Variants in NBPF11 observed in about 807,000 individuals in gnomAD.
NBPF11 encodes the protein NBPF member 11.
NBPF11 carries 72 observed loss-of-function variants against 93.9 expected under a neutral mutation model. The observed-to-expected ratio is 0.77, with a 90% CI of 0.63 to 0.93. The LOEUF (loss-of-function observed/expected upper bound fraction) is 0.93, where lower values mean the gene tolerates loss of function less well. NBPF11 is among the 40% of genes least tolerant of loss of function. The pLI is 0.00. For missense variants in NBPF11, 705 were observed against 802.2 expected, an observed-to-expected ratio of 0.88 and a Z score of 1.46; for synonymous variants, 224 against 304.9, an observed-to-expected ratio of 0.73 and a Z score of 2.76.
chr1:148,127,935 G>A (rs1426136160), intron 4 of NBPF11, among the ~76,000 whole-genome samples: 25 of 151,868 alleles, frequency 1.6e-4, no homozygotes, highest in African/African-American at 4.9e-5. Context: ...GATTACAGGC[G>A]TGAGCCACCG....
At chr1:148,112,404 T>C (rs1365716613) in intron 15 of NBPF11, among the ~76,000 whole-genome samples, 134 of 126,184 alleles carry the variant, frequency 1.1e-3, no homozygotes, top group East Asian at 5.1e-3. Context: ...ACATGCGGTA[T>C]TTGGTTTTTT....
At chr1:148,126,667 T>C (rs1173229803) in intron 5 of NBPF11, among the ~76,000 whole-genome samples, 162 bp downstream of exon 5, 2 of 151,314 alleles carry the variant, frequency 1.3e-5, no homozygotes, top group Non-Finnish European at 3.0e-5. Flanking sequence ...CATGGAAAGT[T>C]GCTAAATACT....
In NBPF11 at chr1:148,137,966, C is replaced by T. The variant is rs28438885; in HGVS notation, c.-276-157G>A. On this transcript the variant is annotated intron_variant, in intron 2 of 23. Coordinates refer to ENST00000682118, the MANE Select transcript of NBPF11 (RefSeq NM_001385469.3). ...GCCCAGGGGACTGGCGTTCAGCATA[C>T]GGAGGACCCATGCCTGCACTGGCCT... Among the ~76,000 whole-genome samples, 129 of 148,972 alleles carry T rather than the reference C, an allele frequency of 8.7e-4. 9 individuals are homozygous for T. The highest frequency in any genetic ancestry group is 3.5e-3 in the Middle Eastern group (1 of 288).
At chr1:148,111,494 T>G (rs1377967628) in intron 15 of NBPF11, among the ~76,000 whole-genome samples, 2 of 151,842 alleles carry the variant, frequency 1.3e-5, no homozygotes, top group Non-Finnish European at 2.9e-5. Context: ...GCAAGGAAGC[T>G]AAAAACCTTA....
At chr1:148,122,644 C>T in intron 8 of NBPF11, 85 bp downstream of exon 8, 1 of 1,575,110 alleles carries the variant, frequency 6.3e-7, no homozygotes, top group Non-Finnish European at 8.7e-7. Flanking sequence ...GGCTTTTGGC[C>T]CATCATAGAT....
intron 1 of NBPF11, chr1:148,146,375 C>CG: frequency 6.4e-7 from 1 of 1,556,548 alleles, no homozygotes; most frequent in Non-Finnish European, 8.6e-7. Flanking sequence ...GGTGGAGGCC[C>CG]GGCCCGGGCG....
rs1668099743 is a variant in NBPF11, at chr1:148,122,494, T to C, written c.567-228A>G. On this transcript the variant is annotated intron_variant, in intron 8 of 23. Transcript: ENST00000682118. Reference sequence around the variant, plus strand: ...GCTGGTGTTCAGTGCACTGGACAGATAGGAGCTGAAGAGGATGAAGACTCA... The same window carrying C: ...GCTGGTGTTCAGTGCACTGGACAGACAGGAGCTGAAGAGGATGAAGACTCA... Among the ~76,000 whole-genome samples, 4 of 152,054 alleles carry C rather than the reference T, an allele frequency of 2.6e-5. No individual in the cohort carries two copies. The South Asian group carries it at 6.2e-4, about 24-fold the overall frequency.
chr1:148,132,188 C>A (rs1670472866), intron 4 of NBPF11, among the ~76,000 whole-genome samples: 1 of 144,996 alleles, frequency 6.9e-6, no homozygotes, highest in African/African-American at 2.6e-5. Flanking sequence ...TGATAATCTT[C>A]AAAACGGTGA....
rs1647649964 is a variant in NBPF11 at position 148,149,371 on chromosome 1, C to A, written c.-549+2379G>T. 3.8e-6 allele frequency: 6 copies of A among 1,595,610 alleles called. No individual in the cohort carries two copies. The South Asian group carries it at 6.6e-5, about 18-fold the overall frequency. On this transcript the variant is annotated intron_variant, in intron 1 of 23. Transcript: ENST00000682118. Reference sequence around the variant, plus strand: ...AGAAGGTGTCCAAGATCACGTCTCCCGTGCTCATCATCCACGGCAGGGAGG... The same window carrying A: ...AGAAGGTGTCCAAGATCACGTCTCCAGTGCTCATCATCCACGGCAGGGAGG...
At chr1:148,132,097 T>A (rs1270125805) in intron 4 of NBPF11, among the ~76,000 whole-genome samples, 3 of 147,360 alleles carry the variant, frequency 2.0e-5, no homozygotes, top group South Asian at 2.2e-4. Context: ...AATTGTTTCA[T>A]TGTGCTGTTT....
rs1394580780 is a variant in NBPF11 at position 148,105,369 on chromosome 1, C to T, written c.2463G>A (p.Leu821=). The change falls in exon 22 of 24, where the codon TTG becomes TTA. Residue 821 remains leucine (L), a synonymous_variant. Coordinates refer to ENST00000682118, the MANE Select transcript of NBPF11 (RefSeq NM_001385469.3). ...HWRKNMLAFL[L]TWEKLKRRGR... Reference sequence around the variant, plus strand: ...ATAGAAAGGTACTCACCTCCCACGTCAAGAGAAAAGCCAACATGTTTTTCC... The same window carrying T: ...ATAGAAAGGTACTCACCTCCCACGTTAAGAGAAAAGCCAACATGTTTTTCC... The T allele has an allele frequency of 1.7e-5, 14 of 848,414 alleles. No homozygotes were observed. Among genetic ancestry groups the T allele is most frequent in the Non-Finnish European group, 2.6e-5 (13 of 491,780 alleles). 52.6% of individuals were successfully genotyped at this position (848,414 alleles called of 1,614,324 possible).
At chr1:148,126,397 C>CA (rs1202410843) in intron 5 of NBPF11, among the ~76,000 whole-genome samples, 2 of 151,312 alleles carry the variant, frequency 1.3e-5, no homozygotes, top group Non-Finnish European at 2.9e-5. Flanking sequence ...TGGGTACTAT[C>CA]ACCAAGTTCC....
intron 15 of NBPF11, among the ~76,000 whole-genome samples, chr1:148,113,570 G>A (rs1331188933): frequency 9.0e-6 from 1 of 111,712 alleles, no homozygotes; most frequent in African/African-American, 3.6e-5. Flanking sequence ...TGAGACAGAA[G>A]CTTAACAAGG....
In NBPF11 at chr1:148,122,061, G is replaced by T. The variant is rs1668000900; in HGVS notation, c.772C>A (p.Leu258Ile). ...CAAGGAAAATAGAGGCTACCTGGGAGAATGTTTAGAGCATCCTGACATCCA... is the reference window on the plus strand; with the variant it reads ...CAAGGAAAATAGAGGCTACCTGGGATAATGTTTAGAGCATCCTGACATCCA... ...HDGCQDALNI[L>I]PVPGPTSSAT... Residue 258 changes from leucine to isoleucine, a missense_variant, in exon 9 of 24, where the codon CTC (leucine) becomes ATC (isoleucine). Leu to Ile is a conservative substitution (Grantham distance 5, BLOSUM62 2). This residue lies in a region of NBPF11 where 262 missense variants were observed against 223.1 expected (regional missense o/e 1.17). Coordinates refer to ENST00000682118, the MANE Select transcript of NBPF11 (RefSeq NM_001385469.3). 1 of 1,606,536 alleles carries T rather than the reference G, an allele frequency of 6.2e-7. No individual in the cohort carries two copies. The highest frequency in any genetic ancestry group is 1.3e-5 in the African/African-American group (1 of 74,548).
At chr1:148,106,369 A>G in intron 20 of NBPF11, 137 bp from the exon 21 acceptor site, 1 of 698,638 alleles carries the variant, frequency 1.4e-6, no homozygotes, top group South Asian at 1.5e-5. Flanking sequence ...ATACTTCAGG[A>G]GGCCTGAAAG....
rs1670724173 is a variant in NBPF11, at chr1:148,133,305, TATTA to T, written c.-36+2363_-36+2366del. On this transcript the variant is annotated intron_variant, in intron 4 of 23. Coordinates refer to ENST00000682118, the MANE Select transcript of NBPF11 (RefSeq NM_001385469.3). ...CTTCAATTCTTTCTTTTCAATACTTTATTAATTTTTCTTACTTTATTGCATTGAC... is the reference window on the plus strand; with the variant it reads ...CTTCAATTCTTTCTTTTCAATACTTTATTTTTCTTACTTTATTGCATTGAC... Among the ~76,000 whole-genome samples, 3 of 152,136 alleles carry T rather than the reference TATTA, an allele frequency of 2.0e-5. 1 individual carries two copies. Among genetic ancestry groups the T allele is most frequent in the African/African-American group, 7.3e-5 (3 of 41,368 alleles).
intron 9 of NBPF11, among the ~76,000 whole-genome samples, chr1:148,121,683 A>G: frequency 6.6e-6 from 1 of 151,906 alleles, no homozygotes; most frequent in Non-Finnish European, 1.5e-5. Context: ...AGACAAGCCA[A>G]TGAAAAGGAG....
intron 23 of NBPF11, among the ~76,000 whole-genome samples, 177 bp from the exon 24 acceptor site, chr1:148,104,089 T>C (rs1353776020): frequency 6.9e-6 from 1 of 145,420 alleles, no homozygotes; most frequent in Non-Finnish European, 1.5e-5. Context: ...TAGAAAACAA[T>C]GAAAGAGAAA....
intron 10 of NBPF11, among the ~76,000 whole-genome samples, chr1:148,120,208 G>A (rs2149227216): frequency 6.6e-6 from 1 of 152,152 alleles, no homozygotes; most frequent in South Asian, 2.1e-4. Context: ...GAGGATTCTT[G>A]AAAACACGAT....
Sources: allele counts gnomAD v4.1 joint callset (sites outside exome capture counted in the v4.1 genomes callset), GRCh38; gene constraint gnomAD v4.1.1; regional missense constraint gnomAD v4.1.1; transcripts MANE v1.5; gene names NCBI Gene and HGNC (gene_info 2026-07-23, HGNC 2026-07-21).